GHRH: variants seen among roughly 807,000 people sequenced by gnomAD.
The protein encoded by GHRH is growth hormone releasing hormone.
In GHRH, 7 loss-of-function variants were observed where a neutral mutation model predicts 15.6. That is an observed-to-expected ratio of 0.45 (90% confidence interval 0.26 to 0.84). GHRH has a LOEUF of 0.84. Among genes scored for constraint, GHRH ranks in the 40% least tolerant of loss-of-function variants. GHRH has a pLI of 0.18. For synonymous variants in GHRH, 54 were observed against 50.4 expected (o/e 1.07, Z -0.30); for missense variants, 117 against 138.0 (o/e 0.85, Z 0.76).
At chr20:37,260,789 A>C (rs1238620397) in intron 1 of GHRH, among the ~76,000 whole-genome samples, 2 of 152,148 alleles carry the variant, frequency 1.3e-5, no homozygotes, top group Non-Finnish European at 2.9e-5. Flanking sequence ...GATGTACTTG[A>C]GATTGCCTGG....
intron 1 of GHRH, among the ~76,000 whole-genome samples, chr20:37,260,021 A>T (rs1458308354): frequency 6.6e-6 from 1 of 152,218 alleles, no homozygotes; most frequent in Non-Finnish European, 1.5e-5. Context: ...ACAAACAGGA[A>T]CACCTGCTTG....
Position 37,254,302 on chromosome 20 carries a change from C to G in GHRH, c.216G>C (p.Arg72Ser), listed in dbSNP as rs1413088763. The change falls in exon 4 of 5, where the codon AGG (arginine) becomes AGC (serine). Residue 72 changes from arginine (R) to serine (S), a missense_variant. Coordinates refer to ENST00000373614, the MANE Select transcript of GHRH (RefSeq NM_021081.6). Reference protein sequence around the residue: ...QGESNQERGARARLGRQVDSM... With the variant: ...QGESNQERGASARLGRQVDSM... ...TGTCTACCTGACGACCAAGCCGTGC[C>G]CTTGCTCCTCGCTCTTGGTTGCTCT... 1 of 1,614,082 alleles carries G rather than the reference C, an allele frequency of 6.2e-7. No homozygotes were observed. Among genetic ancestry groups the G allele is most frequent in the Admixed American group, 1.7e-5 (1 of 60,024 alleles).
At chr20:37,253,202 C>G (rs888389993) in intron 4 of GHRH, among the ~76,000 whole-genome samples, 45 of 152,234 alleles carry the variant, frequency 3.0e-4, no homozygotes, top group Non-Finnish European at 5.9e-5. Context: ...GCCGCCCCGT[C>G]TTTGCCTCAC....
intron 1 of GHRH, among the ~76,000 whole-genome samples, chr20:37,260,579 C>T (rs559083417): frequency 1.3e-5 from 2 of 152,210 alleles, no homozygotes; most frequent in East Asian, 3.9e-4. Context: ...AGCAAGACCC[C>T]ATCTCAAAGA....
intron 3 of GHRH, 141 bp downstream of exon 3, chr20:37,256,253 C>T (rs542428811): frequency 7.1e-6 from 4 of 562,666 alleles, no homozygotes; most frequent in African/African-American, 3.8e-5. Flanking sequence ...ACGCTGGAAC[C>T]CTTTTGCTAT....
intron 3 of GHRH, among the ~76,000 whole-genome samples, chr20:37,255,679 AAAAAAAAG>A (rs1390364160): frequency 3.3e-5 from 5 of 149,696 alleles, no homozygotes; most frequent in African/African-American, 9.9e-5. Context: ...AAAAAAAAAA[AAAAAAAAG>A]AGCTATTAAC....
At position 37,256,869 on chromosome 20, in the gene GHRH, G is replaced by T; in HGVS notation, c.21C>A (p.Phe7Leu). 1 of 1,612,390 alleles carries T rather than the reference G, an allele frequency of 6.2e-7. No homozygotes were observed. The highest frequency in any genetic ancestry group is 8.5e-7 in the Non-Finnish European group (1 of 1,179,348). ...TGTTGCTGAGGGTGAGGATCACAAA[G>T]AAGAACACCCAGAGTGGCATCCTTC... MPLWVF[F>L]FVILTLSNSS... The change falls in exon 2 of 5, where the codon TTC (phenylalanine) becomes TTA (leucine). Residue 7 changes from phenylalanine to leucine, a missense_variant. Physicochemically the swap from Phe to Leu is conservative, Grantham distance 22. Coordinates refer to ENST00000373614, the MANE Select transcript of GHRH (RefSeq NM_021081.6).
Position 37,256,504 on chromosome 20 carries a change from C to G in GHRH, c.84-6G>C. On this transcript the variant is annotated splice_region_variant and splice_polypyrimidine_tract_variant and intron_variant, in intron 2 of 4. Coordinates refer to ENST00000373614, the MANE Select transcript of GHRH (RefSeq NM_021081.6). ...CATCTGCATACCGCCGCATCCTGTG[C>G]GGAAGGAGTCAGGGGTCAGAGGGCG... 1 of 1,597,594 alleles carries G rather than the reference C, an allele frequency of 6.3e-7. No homozygotes were observed.
chr20:37,252,624 C>T (rs1255921619), intron 4 of GHRH, among the ~76,000 whole-genome samples: 1 of 150,680 alleles, frequency 6.6e-6, no homozygotes. Flanking sequence ...AAAAATTAGC[C>T]GGGCGTGGTG....
Sources: gnomAD v4.1 joint callset for allele counts (sites outside exome capture counted in the v4.1 genomes callset) on GRCh38, gnomAD v4.1.1 for gene constraint, MANE v1.5 for transcripts, NCBI Gene and HGNC (gene_info 2026-07-23, HGNC 2026-07-21) for gene names.